FLRT1: variants seen among roughly 807,000 people sequenced by gnomAD.
FLRT1 encodes leucine-rich repeat transmembrane protein FLRT1.
FLRT1 carries 14 observed loss-of-function variants against 30.9 expected under a neutral mutation model. That is an observed-to-expected ratio of 0.45 (90% CI 0.30 to 0.71). The LOEUF (loss-of-function observed/expected upper bound fraction) is 0.71. Among genes scored for constraint, FLRT1 ranks in the 30% least tolerant of loss-of-function variants. FLRT1 has a pLI of 0.08. For missense variants in FLRT1, 737 were observed against 949.2 expected (o/e 0.78, Z 2.94); for synonymous variants, 368 against 430.4 (o/e 0.85, Z 1.80).
At position 64,036,564 on chromosome 11, in the gene FLRT1, G is replaced by A. The variant is rs1210090750; in HGVS notation, c.-1038+405G>A. Among the ~76,000 whole-genome samples, 2 of 152,178 alleles carry A rather than the reference G, an allele frequency of 1.3e-5. No homozygotes were observed. Among genetic ancestry groups the A allele is most frequent in the Admixed American group, 1.3e-4 (2 of 15,292 alleles). On this transcript the variant is annotated intron_variant, in intron 1 of 2. Transcript: ENST00000682287. The surrounding 1 kb of genome is among the most constrained non-coding windows in gnomAD (Gnocchi z 5.6). ...TCCCAGCTCCCGCACTCGGGAACCG[G>A]AGGAGGGCGCGCGGCCAGGGACAGC... is the stretch of plus-strand genomic sequence containing the variant.
In FLRT1 at chr11:64,116,789, C is replaced by A; in HGVS notation, c.522C>A (p.Ala174=). Residue 174 remains alanine, a synonymous_variant, in exon 3 of 3, where the codon GCC becomes GCA. Transcript: ENST00000682287. The part of the protein sequence containing the change: ...STVSIEEDAF[A]DSKQLKLLFL... ...TCAGCATTGAGGAGGACGCCTTCGC[C>A]GACAGCAAACAGCTCAAGCTGCTCT... The A allele has an allele frequency of 6.2e-7, 1 of 1,613,556 alleles. No individual in the cohort carries two copies. The highest frequency in any genetic ancestry group is 8.5e-7 in the Non-Finnish European group (1 of 1,180,038).
intron 1 of FLRT1, among the ~76,000 whole-genome samples, chr11:64,050,951 T>C (rs1370999118): frequency 6.6e-6 from 1 of 152,194 alleles, no homozygotes; most frequent in East Asian, 1.9e-4. Flanking sequence ...TCCAAGACTT[T>C]CTTGTTGCAG....
intron 1 of FLRT1, among the ~76,000 whole-genome samples, chr11:64,097,307 G>T (rs763435885): frequency 2.0e-5 from 3 of 152,252 alleles, no homozygotes; most frequent in Non-Finnish European, 4.4e-5. Flanking sequence ...TGCCAACTCA[G>T]CACCAAGGGA....
At chr11:64,057,622 C>A (rs1943813676) in intron 1 of FLRT1, among the ~76,000 whole-genome samples, 1 of 152,204 alleles carries the variant, frequency 6.6e-6, no homozygotes, top group South Asian at 2.1e-4. Flanking sequence ...CACCCAAGGG[C>A]CTGGACCCCT....
chr11:64,043,968 C>G (rs375472896), intron 1 of FLRT1, among the ~76,000 whole-genome samples: 2 of 152,070 alleles, frequency 1.3e-5, no homozygotes, highest in Non-Finnish European at 2.9e-5. Flanking sequence ...TGCCCGCCAC[C>G]ACGCCGGGCT....
intron 1 of FLRT1, among the ~76,000 whole-genome samples, chr11:64,078,896 G>GA (rs1241302386): frequency 6.6e-6 from 1 of 152,224 alleles, no homozygotes. Context: ...CTCAGAGTGG[G>GA]AGTTTGGCAG....
intron 1 of FLRT1, chr11:64,086,904 G>A (rs1944405998): frequency 6.6e-6 from 1 of 152,218 alleles, no homozygotes; most frequent in African/African-American, 2.4e-5. Context: ...GCCCTTCCCT[G>A]TCCTGGCAGG....
chr11:64,086,946 G>A (rs1015533148), intron 1 of FLRT1: 2 of 152,186 alleles, frequency 1.3e-5, no homozygotes, highest in Non-Finnish European at 1.5e-5. Flanking sequence ...TGATGGCGGG[G>A]TATGAAGAGA....
In FLRT1 at chr11:64,103,985, C is replaced by G. The variant is rs1230891826; in HGVS notation, c.-246C>G. 6.6e-6 allele frequency: 1 copy of G among 152,360 alleles called. No individual in the cohort carries two copies. The highest frequency in any genetic ancestry group is 6.5e-5 in the Admixed American group (1 of 15,288). The allele number at this position is 152,360 out of a possible 1,614,324, so 9.4% of individuals were successfully genotyped here. A position where few individuals can be genotyped will look rare whatever the true frequency, so the allele number is the denominator to read the frequency against. Reference sequence around the variant, plus strand: ...TCCCCTCTCTGTGCCCTGGGGAGCCCCAGTGCTGCCCAGTCACCCCAGGGC... The same window carrying G: ...TCCCCTCTCTGTGCCCTGGGGAGCCGCAGTGCTGCCCAGTCACCCCAGGGC... On this transcript the variant is annotated 5_prime_UTR_variant, in exon 2 of 3. Transcript: ENST00000682287.
At chr11:64,051,059 A>G (rs1284155914) in intron 1 of FLRT1, among the ~76,000 whole-genome samples, 3 of 152,168 alleles carry the variant, frequency 2.0e-5, no homozygotes, top group African/African-American at 7.2e-5. Flanking sequence ...AGGCTCAAGT[A>G]TTGTGCCCCA....
chr11:64,113,884 ATGGATGGAT>A (rs1944913407), intron 2 of FLRT1, among the ~76,000 whole-genome samples: 2 of 146,668 alleles, frequency 1.4e-5, no homozygotes, highest in Non-Finnish European at 3.0e-5. Flanking sequence ...GGATGGATGG[ATGGATGGAT>A]GGATGGATGG....
At chr11:64,059,706 C>A (rs1943860032) in intron 1 of FLRT1, among the ~76,000 whole-genome samples, 1 of 152,238 alleles carries the variant, frequency 6.6e-6, no homozygotes, top group African/African-American at 2.4e-5. Context: ...CAGAGAGGGG[C>A]AGGTCACTCA....
At chr11:64,041,134 G>A (rs1355238696) in intron 1 of FLRT1, among the ~76,000 whole-genome samples, 2 of 127,390 alleles carry the variant, frequency 1.6e-5, no homozygotes, top group African/African-American at 3.0e-5. Flanking sequence ...TTTTTTTCAC[G>A]CCCCTTTCCC....
At chr11:64,080,144 C>A (rs886658936) in intron 1 of FLRT1, among the ~76,000 whole-genome samples, 1 of 152,176 alleles carries the variant, frequency 6.6e-6, no homozygotes, top group African/African-American at 2.4e-5. Flanking sequence ...TCCCGAGTAG[C>A]GGGGATTACA....
rs543314166 is a variant in FLRT1 at position 64,083,842 on chromosome 11, G to A, written c.-1037-19352G>A. 2.6e-5 allele frequency among the ~76,000 whole-genome samples: 4 copies of A among 152,342 alleles called. No individual in the cohort carries two copies. In the South Asian group the frequency reaches 8.3e-4, roughly 32 times the overall value. ...ATCAACAGACCGACGGATCTGCCAG[G>A]GCCGGTGAGGGGCGCTGACCTGGGG... On this transcript the variant is annotated intron_variant, in intron 1 of 2. Transcript: ENST00000682287.
rs113801681 is a variant in FLRT1, at chr11:64,056,142, AC to A, written c.-1038+19988del. Reference sequence around the variant, plus strand: ...GCAATAAGCAGCCCCGGCAGTTGGGACCCCCGCCCACTTTGCTCCCATCTTT... The same window carrying A: ...GCAATAAGCAGCCCCGGCAGTTGGGACCCCGCCCACTTTGCTCCCATCTTT... On this transcript the variant is annotated intron_variant, in intron 1 of 2. Coordinates refer to ENST00000682287, the MANE Select transcript of FLRT1 (RefSeq NM_013280.5). Among the ~76,000 whole-genome samples, 123 of 151,880 alleles carry A rather than the reference AC, an allele frequency of 8.1e-4. 2 individuals carry two copies. The highest frequency in any genetic ancestry group is 3.4e-3 in the Middle Eastern group (1 of 292).
At chr11:64,051,502 G>A (rs1590841351) in intron 1 of FLRT1, among the ~76,000 whole-genome samples, 2 of 152,268 alleles carry the variant, frequency 1.3e-5, no homozygotes, top group South Asian at 4.1e-4. Flanking sequence ...CGGAAGCCTC[G>A]CTCCTGGCTC....
At chr11:64,087,847 G>A (rs1032658976) in intron 1 of FLRT1, among the ~76,000 whole-genome samples, 2 of 152,254 alleles carry the variant, frequency 1.3e-5, no homozygotes, top group South Asian at 2.1e-4. Context: ...TCTCCTGGGG[G>A]CTGTTTCAGG....
intron 1 of FLRT1, among the ~76,000 whole-genome samples, chr11:64,083,643 C>A (rs1033281925): frequency 6.6e-6 from 1 of 152,170 alleles, no homozygotes. Context: ...AATGAGAGGC[C>A]GCAGTGAGAT....
Sources: allele counts gnomAD v4.1 joint callset (sites outside exome capture counted in the v4.1 genomes callset), GRCh38; gene constraint gnomAD v4.1.1; non-coding constraint Gnocchi (gnomAD v3.1); transcripts MANE v1.5; gene names NCBI Gene and HGNC (gene_info 2026-07-23, HGNC 2026-07-21).